SLC41A2: variants seen among roughly 807,000 people sequenced by gnomAD.
SLC41A2 encodes solute carrier family 41 member 2.
In SLC41A2, 32 loss-of-function variants were observed where a neutral mutation model predicts 58.3. That is an observed-to-expected ratio of 0.55 (90% confidence interval 0.41 to 0.74). The LOEUF (loss-of-function observed/expected upper bound fraction) is 0.74, where lower values mean the gene tolerates loss of function less well. SLC41A2 is among the 30% of genes least tolerant of loss of function. SLC41A2 has a pLI of 0.00. For synonymous variants in SLC41A2, 190 were observed against 235.0 expected, an observed-to-expected ratio of 0.81 and a Z score of 1.75; for missense variants, 514 against 680.6, an observed-to-expected ratio of 0.76 and a Z score of 2.72.
At chr12:104,834,284 C>T (rs1260162278) in intron 10 of SLC41A2, 1 of 610,904 alleles carries the variant, frequency 1.6e-6, no homozygotes, top group South Asian at 7.2e-5. Context: ...AATGCAATCA[C>T]GAGGCTGTTA....
At chr12:104,954,675 A>G (rs1182918800) in intron 1 of SLC41A2, among the ~76,000 whole-genome samples, 1 of 152,262 alleles carries the variant, frequency 6.6e-6, no homozygotes, top group Non-Finnish European at 1.5e-5. Context: ...CGAAATTACC[A>G]GCCTCATTCT....
intron 2 of SLC41A2, among the ~76,000 whole-genome samples, chr12:104,922,405 G>A (rs2046639460): frequency 6.6e-6 from 1 of 151,876 alleles, no homozygotes; most frequent in African/African-American, 2.4e-5. Flanking sequence ...ACAAATCAAA[G>A]ACAGTAAAAG....
At chr12:104,895,460 G>A (rs1394911137) in intron 3 of SLC41A2, 115 bp from the exon 4 acceptor site, 1 of 697,174 alleles carries the variant, frequency 1.4e-6, no homozygotes, top group Non-Finnish European at 2.5e-6. Flanking sequence ...AATCCAATGA[G>A]CTCACATTGT....
chr12:104,931,020 A>G (rs1358504821), intron 1 of SLC41A2, among the ~76,000 whole-genome samples: 1 of 152,204 alleles, frequency 6.6e-6, no homozygotes, highest in African/African-American at 2.4e-5. Flanking sequence ...ATACACAGAG[A>G]CCATCCAAAT....
At chr12:104,905,462 C>G (rs1271868227) in intron 3 of SLC41A2, among the ~76,000 whole-genome samples, 2 of 152,228 alleles carry the variant, frequency 1.3e-5, no homozygotes, top group Non-Finnish European at 2.9e-5. Flanking sequence ...TAGTGGATCC[C>G]GCACCGGGGC....
At chr12:104,917,472 T>C (rs895069188) in intron 2 of SLC41A2, among the ~76,000 whole-genome samples, 1 of 152,136 alleles carries the variant, frequency 6.6e-6, no homozygotes, top group Non-Finnish European at 1.5e-5. Context: ...ATCCCATTAC[T>C]GGGTATATAC....
intron 6 of SLC41A2, among the ~76,000 whole-genome samples, 159 bp from the exon 7 acceptor site, chr12:104,866,738 A>G (rs1381693158): frequency 1.3e-5 from 2 of 152,192 alleles, no homozygotes; most frequent in Non-Finnish European, 2.9e-5. Context: ...ATAACTGTAA[A>G]TAAGGTAAAA....
At chr12:104,902,395 T>C (rs546823082) in intron 3 of SLC41A2, among the ~76,000 whole-genome samples, 1 of 152,234 alleles carries the variant, frequency 6.6e-6, no homozygotes, top group African/African-American at 2.4e-5. Flanking sequence ...TTGGTAATGT[T>C]AATAAACTGA....
At position 104,866,737 on chromosome 12, in the gene SLC41A2, A is replaced by C. The variant is rs10861283; in HGVS notation, c.1028-158T>G. Among the ~76,000 whole-genome samples, 11,507 of 152,232 alleles carry C rather than the reference A, an allele frequency of 0.076. 493 individuals are homozygous for C. The highest frequency in any genetic ancestry group is 0.11 in the Middle Eastern group (31 of 294). On this transcript the variant is annotated intron_variant, in intron 6 of 10. Transcript: ENST00000258538. ...AACTTCAAACAAATTTATAACTGTA[A>C]ATAAGGTAAAAATATTAAACAATGT...
chr12:104,889,257 AC>A (rs1345911207), intron 4 of SLC41A2, 80 bp from the exon 5 acceptor site: 4 of 1,394,014 alleles, frequency 2.9e-6, no homozygotes, highest in African/African-American at 1.5e-5. Context: ...AAATATTACT[AC>A]AAAAAGTCAA....
At chr12:104,927,556 AGAG>A (rs2046891026) in intron 2 of SLC41A2, among the ~76,000 whole-genome samples, 1 of 152,188 alleles carries the variant, frequency 6.6e-6, no homozygotes, top group Admixed American at 6.5e-5. Flanking sequence ...TAATCTCTGG[AGAG>A]GAGGAGAGTT....
intron 6 of SLC41A2, among the ~76,000 whole-genome samples, chr12:104,871,889 A>T (rs572098380): frequency 6.6e-6 from 1 of 152,366 alleles, no homozygotes; most frequent in East Asian, 1.9e-4. Context: ...ACATTTATAG[A>T]AAAAGCTATA....
chr12:104,845,830 C>CA lies in SLC41A2; in HGVS notation c.1387+12dup. On this transcript the variant is annotated intron_variant, in intron 9 of 10. Transcript: ENST00000258538. ...CCTTGATCTAAAATATGCAAAAATC[C>CA]ATAAGCACATACCTGGACCAAAGAA... 1 of 1,595,390 alleles carries CA rather than the reference C, an allele frequency of 6.3e-7. No homozygotes were observed. The highest frequency in any genetic ancestry group is 8.6e-7 in the Non-Finnish European group (1 of 1,169,208).
At chr12:104,853,911 ATT>A (rs1555202443) in intron 8 of SLC41A2, among the ~76,000 whole-genome samples, 5,266 of 58,488 alleles carry the variant, frequency 0.09, 153 homozygotes, top group African/African-American at 0.12. Flanking sequence ...TGCCTGGCTG[ATT>A]TTTTTTTTTT....
chr12:104,806,575 T>C (rs1170630363), intron 10 of SLC41A2, among the ~76,000 whole-genome samples: 1 of 152,168 alleles, frequency 6.6e-6, no homozygotes, highest in Non-Finnish European at 1.5e-5. Flanking sequence ...TTTGGGTATA[T>C]ACCCAGTAAT....
chr12:104,958,306 G>GCCCGCGGCCCCCTGACTC (rs2048253481), upstream of SLC41A2: 1 of 149,128 alleles, frequency 6.7e-6, no homozygotes, highest in East Asian at 2.0e-4. Flanking sequence ...GGCCGTCGGC[G>GCCCGCGGCCCCCTGACTC]CCCGCGGCCC....
intron 6 of SLC41A2, among the ~76,000 whole-genome samples, chr12:104,885,859 G>A (rs2044632537): frequency 6.6e-6 from 1 of 151,754 alleles, no homozygotes; most frequent in Admixed American, 6.6e-5. Context: ...ACATTCCATT[G>A]GTAAATTTTA....
intron 2 of SLC41A2, among the ~76,000 whole-genome samples, chr12:104,914,300 A>T (rs912738980): frequency 1.3e-5 from 2 of 152,198 alleles, no homozygotes; most frequent in Admixed American, 1.3e-4. Flanking sequence ...AAGAAAAAAT[A>T]GTATTTAATG....
Position 104,907,206 on chromosome 12 carries a change from CTT to C in SLC41A2, c.663+2447_663+2448del, listed in dbSNP as rs10714684. Among the ~76,000 whole-genome samples the C allele has an allele frequency of 5.8e-3, 738 of 126,728 alleles. 6 individuals carry two copies. Among genetic ancestry groups the C allele is most frequent in the African/African-American group, 0.016 (540 of 34,154 alleles). The allele number at this position is 126,728 out of a possible 152,430, so 83.1% of individuals were successfully genotyped here. On this transcript the variant is annotated intron_variant, in intron 3 of 10. Transcript: ENST00000258538. ...CGTTATCCTTTTGTCATGTCCCCAT[CTT>C]TTTTTTTTTTTTTTCATTTTTAGCA...
Sources: allele counts gnomAD v4.1 joint callset (sites outside exome capture counted in the v4.1 genomes callset), GRCh38; gene constraint gnomAD v4.1.1; transcripts MANE v1.5; gene names NCBI Gene and HGNC (gene_info 2026-07-23, HGNC 2026-07-21).